ZC3H12C: variants seen among roughly 807,000 people sequenced by gnomAD.
ZC3H12C encodes zinc finger CCCH-type containing 12C, also known as probable ribonuclease ZC3H12C.
Under a neutral mutation model 76.3 loss-of-function variants are expected in ZC3H12C, and 20 were observed. That is an observed-to-expected ratio of 0.26 (90% CI 0.18 to 0.38). The LOEUF (loss-of-function observed/expected upper bound fraction) is 0.38. ZC3H12C is among the 10% of genes least tolerant of loss of function. The pLI is 1.00. For missense variants in ZC3H12C, 874 were observed against 1,086.5 expected (o/e 0.80, Z 2.75); for synonymous variants, 352 against 399.6 (o/e 0.88, Z 1.42).
rs138758780 is a variant in ZC3H12C at position 110,171,278 on chromosome 11, C to T, written c.*5541C>T. ...TTACCTTATGTGAAATATTCACAAA[C>T]GTGCACACTTCTGCAGAGACAAAGC... On this transcript the variant is annotated 3_prime_UTR_variant, in exon 6 of 6. Transcript: ENST00000278590. The T allele has an allele frequency of 2.8e-4, 42 of 152,282 alleles. No individual in the cohort carries two copies. The East Asian group carries it at 8.1e-3, about 29-fold the overall frequency. The allele number at this position is 152,282 out of a possible 1,614,324, so 9.4% of individuals were successfully genotyped here.
rs1434813514 is a variant in ZC3H12C at position 110,169,461 on chromosome 11, T to A, written c.*3724T>A. The A allele has an allele frequency of 1.3e-5, 2 of 151,880 alleles. No individual in the cohort carries two copies. The highest frequency in any genetic ancestry group is 3.9e-4 in the East Asian group (2 of 5,192). 9.4% of individuals were successfully genotyped at this position (151,880 alleles called of 1,614,324 possible). ...GTATGTTTGGTTTTCATTATTCTTTTTGCTCTCCAACTTCCTTATTCAAGA... is the reference window on the plus strand; with the variant it reads ...GTATGTTTGGTTTTCATTATTCTTTATGCTCTCCAACTTCCTTATTCAAGA... On this transcript the variant is annotated 3_prime_UTR_variant, in exon 6 of 6. Coordinates refer to ENST00000278590, the MANE Select transcript of ZC3H12C (RefSeq NM_033390.2).
Position 110,165,421 on chromosome 11 carries a change from G to C in ZC3H12C, c.2336G>C (p.Arg779Thr). The change falls in exon 6 of 6, where the codon AGG (arginine) becomes ACG (threonine). Residue 779 changes from arginine (R) to threonine (T), a missense_variant. Coordinates refer to ENST00000278590, the MANE Select transcript of ZC3H12C (RefSeq NM_033390.2). ...SRQEGLGSWE[R>T]PGYGIDAYGY... ...CAGGAAGGCCTGGGAAGCTGGGAGA[G>C]GCCAGGCTATGGGATCGACGCCTAT... The C allele has an allele frequency of 6.2e-7, 1 of 1,614,038 alleles. No individual in the cohort carries two copies.
At chr11:110,100,913 C>T (rs769584474) in intron 1 of ZC3H12C, among the ~76,000 whole-genome samples, 1 of 152,152 alleles carries the variant, frequency 6.6e-6, no homozygotes, top group Non-Finnish European at 1.5e-5. Context: ...GGGAGAAAGG[C>T]ATGTGAAAGC....
chr11:110,165,036 T>G lies in ZC3H12C; in HGVS notation c.1951T>G (p.Ser651Ala), dbSNP rs1565270851. 7 of 1,613,604 alleles carry G rather than the reference T, an allele frequency of 4.3e-6. No homozygotes were observed. In the Admixed American group the frequency reaches 1.2e-4, roughly 27 times the overall value. The change falls in exon 6 of 6, where the codon TCC becomes GCC. Residue 651 changes from serine (S) to alanine (A), a missense_variant. Ser to Ala is a moderately conservative substitution (Grantham distance 99, BLOSUM62 1). This residue lies in a region of ZC3H12C where 395 missense variants were observed against 434.4 expected (regional missense o/e 0.91). Transcript: ENST00000278590. ...TTACAATGACCGGTCCTATGTCAGCTCCCCCGACCCACAGCTAGAGGAGAA... is the reference window on the plus strand; with the variant it reads ...TTACAATGACCGGTCCTATGTCAGCGCCCCCGACCCACAGCTAGAGGAGAA... ...VGYNDRSYVS[S>A]PDPQLEENLK...
chr11:110,093,964 T>A (rs954641483), intron 1 of ZC3H12C, among the ~76,000 whole-genome samples: 2 of 151,052 alleles, frequency 1.3e-5, no homozygotes, highest in African/African-American at 4.9e-5. Context: ...AGCCCCTCAC[T>A]CCCCCCTCGT....
chr11:110,160,213 G>A (rs1202510936), intron 4 of ZC3H12C, among the ~76,000 whole-genome samples: 1 of 152,212 alleles, frequency 6.6e-6, no homozygotes, highest in Non-Finnish European at 1.5e-5. Context: ...AAGTTGTCCT[G>A]AGTGAGTCAG....
rs1862638227 is a variant in ZC3H12C, at chr11:110,169,440, G to GT, written c.*3706dup. 1 of 151,292 alleles carries GT rather than the reference G, an allele frequency of 6.6e-6. No homozygotes were observed. The highest frequency in any genetic ancestry group is 1.5e-5 in the Non-Finnish European group (1 of 67,848). The allele number at this position is 151,292 out of a possible 1,614,324, so 9.4% of individuals were successfully genotyped here. Reference sequence around the variant, plus strand: ...TACAATGGTATTTACTTTAAAGTATGTTTGGTTTTCATTATTCTTTTTGCT... The same window carrying GT: ...TACAATGGTATTTACTTTAAAGTATGTTTTGGTTTTCATTATTCTTTTTGCT... On this transcript the variant is annotated 3_prime_UTR_variant, in exon 6 of 6. Coordinates refer to ENST00000278590, the MANE Select transcript of ZC3H12C (RefSeq NM_033390.2).
chr11:110,130,300 C>T (rs1341555590), intron 1 of ZC3H12C, among the ~76,000 whole-genome samples: 1 of 152,168 alleles, frequency 6.6e-6, no homozygotes, highest in Non-Finnish European at 1.5e-5. Flanking sequence ...TTTATCTACA[C>T]TTTCAGTGAA....
At chr11:110,107,408 G>C (rs1403465038) in intron 1 of ZC3H12C, among the ~76,000 whole-genome samples, 1 of 152,000 alleles carries the variant, frequency 6.6e-6, no homozygotes, top group East Asian at 1.9e-4. Flanking sequence ...TCTGAGACAG[G>C]ATCTCACTCT....
In ZC3H12C at chr11:110,104,689, G is replaced by A. The variant is rs576736205; in HGVS notation, c.21+11257G>A. ...CCATTTACTGGTTGTGACCTTCAGC[G>A]AGAATCTCAATTTATCTTTGATTTG... On this transcript the variant is annotated intron_variant, in intron 1 of 5. Coordinates refer to ENST00000278590, the MANE Select transcript of ZC3H12C (RefSeq NM_033390.2). Among the ~76,000 whole-genome samples, 9 of 152,294 alleles carry A rather than the reference G, an allele frequency of 5.9e-5. 1 individual carries two copies. Among genetic ancestry groups the A allele is most frequent in the East Asian group, 3.9e-4 (2 of 5,176 alleles).
At position 110,163,341 on chromosome 11, in the gene ZC3H12C, C is replaced by G; in HGVS notation, c.1217C>G (p.Pro406Arg). The change falls in exon 5 of 6, where the codon CCT (proline) becomes CGT (arginine). Residue 406 changes from proline to arginine, a missense_variant. This residue lies in a region of ZC3H12C where 269 missense variants were observed against 424.9 expected (regional missense o/e 0.63). Coordinates refer to ENST00000278590, the MANE Select transcript of ZC3H12C (RefSeq NM_033390.2). ...PSLDNFLRKK[P>R]IVPEHKKQPC... ...CTGGATAATTTTCTGAGGAAGAAACCTATTGTTCCTGAACACAAAAAGCAG... is the reference window on the plus strand; with the variant it reads ...CTGGATAATTTTCTGAGGAAGAAACGTATTGTTCCTGAACACAAAAAGCAG... The G allele has an allele frequency of 6.2e-7, 1 of 1,612,838 alleles. No homozygotes were observed. Among genetic ancestry groups the G allele is most frequent in the Non-Finnish European group, 8.5e-7 (1 of 1,179,476 alleles).
rs1861612924 is a variant in ZC3H12C, at chr11:110,119,287, T to C, written c.22-17376T>C. On this transcript the variant is annotated intron_variant, in intron 1 of 5. Transcript: ENST00000278590. ...CTCAATATAAAAGCCAGTTCCTTCA[T>C]GTGACCTAAAACCTTGCTACTTAAA... 2.0e-5 allele frequency among the ~76,000 whole-genome samples: 3 copies of C among 152,318 alleles called. No homozygotes were observed. The South Asian group carries it at 6.2e-4, about 32-fold the overall frequency.
intron 1 of ZC3H12C, chr11:110,130,972 A>G: frequency 1.3e-6 from 2 of 1,485,478 alleles, no homozygotes; most frequent in Non-Finnish European, 1.8e-6. Flanking sequence ...AGGTTAAGCA[A>G]AGACATTACC....
intron 1 of ZC3H12C, among the ~76,000 whole-genome samples, chr11:110,121,127 G>T (rs1370584344): frequency 1.3e-5 from 2 of 152,192 alleles, no homozygotes; most frequent in Admixed American, 1.3e-4. Flanking sequence ...TAAATCTCCT[G>T]AGGTGATATC....
chr11:110,150,667 A>G (rs1862255905), intron 2 of ZC3H12C, among the ~76,000 whole-genome samples: 1 of 152,094 alleles, frequency 6.6e-6, no homozygotes. Context: ...CAAAATTTGT[A>G]TATGTCCATT....
chr11:110,145,299 A>G (rs1210856452), intron 2 of ZC3H12C, among the ~76,000 whole-genome samples: 1 of 152,232 alleles, frequency 6.6e-6, no homozygotes, highest in Non-Finnish European at 1.5e-5. Flanking sequence ...TTGAGTAAAG[A>G]TAATCTTATT....
intron 1 of ZC3H12C, among the ~76,000 whole-genome samples, chr11:110,112,933 T>C (rs576398910): frequency 6.6e-6 from 1 of 152,204 alleles, no homozygotes; most frequent in Non-Finnish European, 1.5e-5. Flanking sequence ...TGTGCATGCA[T>C]ATACCCGTCA....
intron 1 of ZC3H12C, among the ~76,000 whole-genome samples, chr11:110,121,031 G>C (rs1173850147): frequency 6.6e-6 from 1 of 152,012 alleles, no homozygotes; most frequent in East Asian, 1.9e-4. Context: ...GAATCACTTG[G>C]GAAGCTTTTA....
chr11:110,145,469 C>T (rs1862147458), intron 2 of ZC3H12C, among the ~76,000 whole-genome samples: 1 of 152,138 alleles, frequency 6.6e-6, no homozygotes, highest in Non-Finnish European at 1.5e-5. Context: ...ACTGAGTAGG[C>T]ATTTTTGGAT....
Sources: allele counts gnomAD v4.1 joint callset (sites outside exome capture counted in the v4.1 genomes callset), GRCh38; gene constraint gnomAD v4.1.1; regional missense constraint gnomAD v4.1.1; transcripts MANE v1.5; gene names NCBI Gene and HGNC (gene_info 2026-07-23, HGNC 2026-07-21).